The following CAPN7 variants were observed in gnomAD, a reference collection of about 807,000 sequenced individuals.
The protein encoded by CAPN7 is calpain-7.
CAPN7 carries 72 observed loss-of-function variants against 115.2 expected under a neutral mutation model. The ratio of observed to expected loss-of-function variants is 0.63; its 90% CI spans 0.52 to 0.76. CAPN7 has a LOEUF of 0.76. CAPN7 is among the 30% of genes least tolerant of loss of function. The pLI is 0.00. For synonymous variants in CAPN7, 344 were observed against 322.3 expected, an observed-to-expected ratio of 1.07 and a Z score of -0.72; for missense variants, 905 against 971.5, an observed-to-expected ratio of 0.93 and a Z score of 0.91.
intron 3 of CAPN7, 51 bp from the exon 4 acceptor site, chr3:15,218,422 A>C: frequency 7.1e-7 from 1 of 1,400,096 alleles, no homozygotes; most frequent in Non-Finnish European, 1.0e-6. Context: ...GGATCAAGCA[A>C]ATTGAAAAAT....
chr3:15,246,797 G>A lies in CAPN7; in HGVS notation c.2073+3G>A. On this transcript the variant is annotated splice_donor_region_variant and intron_variant, in intron 18 of 20. Coordinates refer to ENST00000253693, the MANE Select transcript of CAPN7 (RefSeq NM_014296.3). The stretch of plus-strand genomic sequence containing the variant: ...CACCATACACCTTATCAAAACGGGT[G>A]AGAAAATTCATTTGGTTGTAATCTC... The A allele has an allele frequency of 6.3e-7, 1 of 1,591,224 alleles. No individual in the cohort carries two copies. Among genetic ancestry groups the A allele is most frequent in the South Asian group, 1.1e-5 (1 of 88,016 alleles).
intron 6 of CAPN7, among the ~76,000 whole-genome samples, chr3:15,225,020 G>C (rs558718552): frequency 6.6e-6 from 1 of 152,248 alleles, no homozygotes; most frequent in Admixed American, 6.5e-5. Context: ...GTAACACCGG[G>C]CAAGTTGTTA....
Position 15,240,622 on chromosome 3 carries a change from A to G in CAPN7, c.1552+5A>G, listed in dbSNP as rs199694914. ...CAGCTCAGAAAATAGACAACGGTAA[A>G]TATATCTTTTTAATTTTAATACCAT... is the stretch of plus-strand genomic sequence containing the variant. On this transcript the variant is annotated splice_donor_5th_base_variant and intron_variant, in intron 13 of 20. Coordinates refer to ENST00000253693, the MANE Select transcript of CAPN7 (RefSeq NM_014296.3). 3.5e-4 allele frequency: 558 copies of G among 1,584,598 alleles called. 3 individuals are homozygous for G. The Middle Eastern group carries it at 4.8e-3, about 14-fold the overall frequency.
In CAPN7 at chr3:15,252,037, C is replaced by G. The variant is rs933736862; in HGVS notation, c.*777C>G. ...TTTTTAAATTGCTGTATCGTTCAGT[C>G]TCTTGTGGCAATAGCACTTTGAAGA... On this transcript the variant is annotated 3_prime_UTR_variant, in exon 21 of 21. Coordinates refer to ENST00000253693, the MANE Select transcript of CAPN7 (RefSeq NM_014296.3). The G allele has an allele frequency of 6.6e-6, 1 of 152,454 alleles. No individual in the cohort carries two copies. The highest frequency in any genetic ancestry group is 6.6e-5 in the Admixed American group (1 of 15,260). 9.4% of individuals were successfully genotyped at this position (152,454 alleles called of 1,614,324 possible).
At chr3:15,210,048 T>C (rs959043258) in intron 1 of CAPN7, among the ~76,000 whole-genome samples, 7 of 152,196 alleles carry the variant, frequency 4.6e-5, no homozygotes, top group African/African-American at 1.7e-4. Flanking sequence ...TCACCCAGGC[T>C]GGCGGGCAGT....
intron 2 of CAPN7, among the ~76,000 whole-genome samples, chr3:15,214,926 TG>T (rs1465101915): frequency 6.6e-6 from 1 of 152,242 alleles, no homozygotes; most frequent in Non-Finnish European, 1.5e-5. Flanking sequence ...GCAAGGAATA[TG>T]CTTCTGGGAT....
intron 2 of CAPN7, among the ~76,000 whole-genome samples, chr3:15,214,208 G>C (rs2045116201): frequency 6.6e-6 from 1 of 152,140 alleles, no homozygotes; most frequent in South Asian, 2.1e-4. Context: ...GCATAACATA[G>C]CTTGTTTTAC....
chr3:15,229,121 C>CT, intron 8 of CAPN7, 62 bp downstream of exon 8: 2 of 1,199,710 alleles, frequency 1.7e-6, no homozygotes, highest in Non-Finnish European at 1.2e-6. Context: ...AAATTTAAAA[C>CT]TTAAGCCTTA....
chr3:15,236,642 A>T (rs1367117354), intron 12 of CAPN7, among the ~76,000 whole-genome samples: 2 of 152,214 alleles, frequency 1.3e-5, no homozygotes, highest in African/African-American at 4.8e-5. Flanking sequence ...ACACAAACCT[A>T]GATGGTACAG....
At chr3:15,228,191 A>G (rs999313041) in intron 7 of CAPN7, among the ~76,000 whole-genome samples, 12 of 152,210 alleles carry the variant, frequency 7.9e-5, no homozygotes, top group Non-Finnish European at 1.5e-4. Context: ...GTTTATCATT[A>G]TGTACCTGTA....
intron 5 of CAPN7, among the ~76,000 whole-genome samples, chr3:15,221,912 C>T (rs1203883946): frequency 6.6e-6 from 1 of 151,904 alleles, no homozygotes; most frequent in Non-Finnish European, 1.5e-5. Flanking sequence ...CGAGATCACG[C>T]CACTGCTCTC....
intron 6 of CAPN7, among the ~76,000 whole-genome samples, chr3:15,226,366 G>T (rs747438627): frequency 8.5e-5 from 13 of 152,120 alleles, no homozygotes; most frequent in African/African-American, 3.1e-4. Context: ...GAGCCACCGC[G>T]CCTGGCTGTA....
chr3:15,213,609 T>C (rs1485245651), intron 2 of CAPN7, among the ~76,000 whole-genome samples: 1 of 152,248 alleles, frequency 6.6e-6, no homozygotes, highest in Admixed American at 6.5e-5. Flanking sequence ...AGCACATTTA[T>C]GCCCTAGGGT....
At chr3:15,213,601 C>T (rs1340580813) in intron 2 of CAPN7, among the ~76,000 whole-genome samples, 1 of 152,200 alleles carries the variant, frequency 6.6e-6, no homozygotes, top group Non-Finnish European at 1.5e-5. Context: ...CACAGTCAAG[C>T]ACATTTATGC....
At chr3:15,246,622 A>G (rs1416906416) in intron 17 of CAPN7, 110 bp from the exon 18 acceptor site, 1 of 759,772 alleles carries the variant, frequency 1.3e-6, no homozygotes, top group Non-Finnish European at 2.3e-6. Flanking sequence ...GGCTGCCTAT[A>G]ATGACTTGTG....
chr3:15,218,649 C>T, intron 4 of CAPN7, 109 bp downstream of exon 4: 1 of 767,082 alleles, frequency 1.3e-6, no homozygotes. Context: ...CATCTTTTAA[C>T]TGTCATCTGA....
At chr3:15,217,889 C>T (rs561072037) in intron 3 of CAPN7, among the ~76,000 whole-genome samples, 3 of 152,200 alleles carry the variant, frequency 2.0e-5, no homozygotes, top group South Asian at 2.1e-4. Context: ...AATAAACTTC[C>T]CCTTTTTTCA....
intron 3 of CAPN7, among the ~76,000 whole-genome samples, chr3:15,218,065 G>T (rs1256250599): frequency 6.6e-6 from 1 of 152,192 alleles, no homozygotes; most frequent in Non-Finnish European, 1.5e-5. Flanking sequence ...TTGACAGGAG[G>T]ATGAGGTAAA....
intron 5 of CAPN7, among the ~76,000 whole-genome samples, chr3:15,222,541 T>C (rs1398107544): frequency 2.0e-5 from 3 of 152,198 alleles, no homozygotes; most frequent in Admixed American, 1.3e-4. Flanking sequence ...AAGATTGTAA[T>C]TGTACTCCTG....
Sources: gnomAD v4.1 joint callset for allele counts (sites outside exome capture counted in the v4.1 genomes callset) on GRCh38, gnomAD v4.1.1 for gene constraint, MANE v1.5 for transcripts, NCBI Gene and HGNC (gene_info 2026-07-23, HGNC 2026-07-21) for gene names.